Variants in DNAAF1 observed in about 807,000 individuals in gnomAD.
DNAAF1 encodes dynein axonemal assembly factor 1, also known as dynein assembly factor 1, axonemal.
A neutral mutation model predicts 71.1 loss-of-function variants in DNAAF1; 65 were observed. That is an observed-to-expected ratio of 0.91 (90% CI 0.75 to 1.12). DNAAF1 has a LOEUF of 1.12. DNAAF1 is among the 50% of genes most tolerant of loss of function. The pLI is 0.00. For synonymous variants in DNAAF1, 414 were observed against 354.6 expected, an observed-to-expected ratio of 1.17 and a Z score of -1.88; for missense variants, 1,178 against 899.8, an observed-to-expected ratio of 1.31 and a Z score of -3.96.
At chr16:84,169,308 ACTC>A (rs2088197338) in intron 7 of DNAAF1, among the ~76,000 whole-genome samples, 1 of 148,762 alleles carries the variant, frequency 6.7e-6, no homozygotes. Context: ...CTGGTTTTGA[ACTC>A]CTGATGTCAA....
At chr16:84,166,212 C>G (rs2087980477) in intron 7 of DNAAF1, among the ~76,000 whole-genome samples, 1 of 151,848 alleles carries the variant, frequency 6.6e-6, no homozygotes, top group South Asian at 2.1e-4. Flanking sequence ...ACCACCATGC[C>G]TGGCTAGTTT....
At chr16:84,166,943 A>C (rs1597462307) in intron 7 of DNAAF1, among the ~76,000 whole-genome samples, 1 of 152,250 alleles carries the variant, frequency 6.6e-6, no homozygotes, top group South Asian at 2.1e-4. Flanking sequence ...CACACCCACC[A>C]ATTCTCTGAC....
chr16:84,165,034 G>A lies in DNAAF1; in HGVS notation c.864-749G>A, dbSNP rs1157531108. 2.0e-5 allele frequency among the ~76,000 whole-genome samples: 3 copies of A among 152,254 alleles called. No individual in the cohort carries two copies. In the East Asian group the frequency reaches 5.8e-4, roughly 29 times the overall value. ...CGTGATGTGGAGCATCTTTTCACAG[G>A]CTTATTTGCCATCTCTATATCTTTT... On this transcript the variant is annotated intron_variant, in intron 6 of 11. Coordinates refer to ENST00000378553, the MANE Select transcript of DNAAF1 (RefSeq NM_178452.6).
At chr16:84,175,536 C>T (rs1199807817) in intron 10 of DNAAF1, 9 of 268,958 alleles carry the variant, frequency 3.3e-5, no homozygotes, top group South Asian at 1.7e-4. Context: ...TCTCTGAGCA[C>T]GAGCTCAGCA....
chr16:84,165,832 G>A lies in DNAAF1; in HGVS notation c.913G>A (p.Glu305Lys). The A allele has an allele frequency of 6.2e-7, 1 of 1,613,658 alleles. No homozygotes were observed. Among genetic ancestry groups the A allele is most frequent in the Non-Finnish European group, 8.5e-7 (1 of 1,179,936 alleles). ...ARGGYAAEKE[E>K]RQQWESRERK... is the part of the protein sequence containing the mutation. Reference sequence around the variant, plus strand: ...GGGAGGGTACGCAGCTGAAAAGGAGGAGAGACAGCAGTGGGAGAGCAGGGA... The same window carrying A: ...GGGAGGGTACGCAGCTGAAAAGGAGAAGAGACAGCAGTGGGAGAGCAGGGA... The change falls in exon 7 of 12, where the codon GAG becomes AAG. Residue 305 changes from glutamate (E) to lysine (K), a missense_variant. By Grantham distance (56) the Glu-to-Lys change is moderately conservative (BLOSUM62 1). Coordinates refer to ENST00000378553, the MANE Select transcript of DNAAF1 (RefSeq NM_178452.6).
chr16:84,172,740 T>A, intron 9 of DNAAF1: 1 of 1,163,926 alleles, frequency 8.6e-7, no homozygotes, highest in Non-Finnish European at 1.1e-6. Context: ...GTGGTGAGAG[T>A]TACATTGTAT....
rs1002687185 is a variant in DNAAF1, at chr16:84,164,296, C to T, written c.864-1487C>T. Reference sequence around the variant, plus strand: ...ACTGAAGTCCATCATTTCTTTAGGGCTCACACTTGGTGTTGCACACTGTAT... The same window carrying T: ...ACTGAAGTCCATCATTTCTTTAGGGTTCACACTTGGTGTTGCACACTGTAT... On this transcript the variant is annotated intron_variant, in intron 6 of 11. Transcript: ENST00000378553. 2.6e-5 allele frequency among the ~76,000 whole-genome samples: 4 copies of T among 152,192 alleles called. No individual in the cohort carries two copies. The East Asian group carries it at 7.7e-4, about 29-fold the overall frequency.
intron 4 of DNAAF1, 106 bp downstream of exon 4, chr16:84,154,904 TTG>T: frequency 9.3e-7 from 1 of 1,076,708 alleles, no homozygotes; most frequent in East Asian, 2.5e-5. Flanking sequence ...GTGTTTTTTT[TTG>T]TCTTTTTTTT....
chr16:84,176,888 C>T (rs559140940), intron 11 of DNAAF1: 2 of 173,012 alleles, frequency 1.2e-5, no homozygotes, highest in South Asian at 1.3e-4. Context: ...GCTGAATGTA[C>T]CGGGGCCTCC....
chr16:84,155,900 A>G (rs985354399), intron 5 of DNAAF1, 151 bp downstream of exon 5: 65 of 1,035,160 alleles, frequency 6.3e-5, no homozygotes, highest in Admixed American at 1.4e-4. Flanking sequence ...TAGCTGGAGT[A>G]TCTGAAATGC....
chr16:84,177,618 C>A, intron 11 of DNAAF1, 111 bp from the exon 12 acceptor site: 1 of 890,930 alleles, frequency 1.1e-6, no homozygotes, highest in Non-Finnish European at 1.9e-6. Flanking sequence ...TATGAGCCAC[C>A]ACGCCCAGTT....
intron 5 of DNAAF1, among the ~76,000 whole-genome samples, chr16:84,155,989 G>A (rs947748361): frequency 1.3e-5 from 2 of 151,434 alleles, no homozygotes; most frequent in Non-Finnish European, 2.9e-5. Flanking sequence ...TTGATATAGA[G>A]TTTCGCTCTT....
At position 84,150,924 on chromosome 16, in the gene DNAAF1, T is replaced by C. The variant is rs191421735; in HGVS notation, c.352+582T>C. On this transcript the variant is annotated intron_variant, in intron 3 of 11. Transcript: ENST00000378553. Reference sequence around the variant, plus strand: ...CCACTGCACCCAGCCAGGACTTTAATTTTTCATACCAGAAAGTTAGTTTGT... The same window carrying C: ...CCACTGCACCCAGCCAGGACTTTAACTTTTCATACCAGAAAGTTAGTTTGT... Among the ~76,000 whole-genome samples the C allele has an allele frequency of 2.3e-3, 346 of 152,320 alleles. 3 individuals are homozygous for C. Among genetic ancestry groups the C allele is most frequent in the Middle Eastern group, 0.017 (5 of 294 alleles).
intron 7 of DNAAF1, among the ~76,000 whole-genome samples, chr16:84,168,831 C>CACACACACACAG (rs2088165719): frequency 2.6e-5 from 4 of 151,100 alleles, no homozygotes. Context: ...GCCACATACA[C>CACACACACACAG]ACACACACAC....
intron 9 of DNAAF1, chr16:84,173,172 T>TA (rs1302387264): frequency 1.0e-6 from 1 of 985,492 alleles, no homozygotes; most frequent in Admixed American, 6.1e-5. Context: ...CAGTAGGAGT[T>TA]AAAGTGATCG....
In DNAAF1 at chr16:84,149,361, C is replaced by G. The variant is rs76448973; in HGVS notation, c.260+219C>G. Reference sequence around the variant, plus strand: ...GCAGAGAGGAACAGCAGTAGTTCCTCATGACACCATTTAAAGTATTTTTAT... The same window carrying G: ...GCAGAGAGGAACAGCAGTAGTTCCTGATGACACCATTTAAAGTATTTTTAT... On this transcript the variant is annotated intron_variant, in intron 2 of 11. Transcript: ENST00000378553. 0.055 allele frequency among the ~76,000 whole-genome samples: 8,305 copies of G among 152,190 alleles called. 698 individuals are homozygous for G. The highest frequency in any genetic ancestry group is 0.19 in the African/African-American group (7,715 of 41,488).
intron 6 of DNAAF1, among the ~76,000 whole-genome samples, chr16:84,165,269 GA>G (rs1340447045): frequency 6.6e-6 from 1 of 151,966 alleles, no homozygotes; most frequent in East Asian, 1.9e-4. Context: ...AATGAGTTGT[GA>G]GGCTTATTTA....
Position 84,176,109 on chromosome 16 carries a change from T to C in DNAAF1, c.1875T>C (p.Phe625=). The C allele has an allele frequency of 1.2e-6, 2 of 1,613,750 alleles. No individual in the cohort carries two copies. Among genetic ancestry groups the C allele is most frequent in the Non-Finnish European group, 1.7e-6 (2 of 1,179,900 alleles). The change falls in exon 11 of 12, where the codon TTT becomes TTC. Residue 625 remains phenylalanine, a synonymous_variant. Transcript: ENST00000378553. ...CTCGGGTGCCCTTCACAGACATCTTTAAAAAAGAAGCTAAGAGGGACTTGG... is the reference window on the plus strand; with the variant it reads ...CTCGGGTGCCCTTCACAGACATCTTCAAAAAAGAAGCTAAGAGGGACTTGG... ...KAARVPFTDI[F]KKEAKRDLEI...
chr16:84,149,245 T>C, intron 2 of DNAAF1, 103 bp downstream of exon 2: 1 of 1,441,338 alleles, frequency 6.9e-7, no homozygotes, highest in Non-Finnish European at 9.7e-7. Context: ...AGAGATTGAA[T>C]TGCCTGCCCA....
Sources: allele counts gnomAD v4.1 joint callset (sites outside exome capture counted in the v4.1 genomes callset), GRCh38; gene constraint gnomAD v4.1.1; transcripts MANE v1.5; gene names NCBI Gene and HGNC (gene_info 2026-07-23, HGNC 2026-07-21).